The following CACNB2 variants were observed in gnomAD, a reference collection of about 807,000 sequenced individuals.
CACNB2 encodes the protein voltage-dependent L-type calcium channel subunit beta-2.
A neutral mutation model predicts 73.3 loss-of-function variants in CACNB2; 42 were observed. That is an observed-to-expected ratio of 0.57 (90% CI 0.45 to 0.74). The LOEUF is 0.74. CACNB2 is among the 30% of genes least tolerant of loss of function. The pLI, the probability that CACNB2 is intolerant of heterozygous loss-of-function variation, is 0.00. For missense variants in CACNB2, 940 were observed against 853.0 expected, an observed-to-expected ratio of 1.10 and a Z score of -1.27; for synonymous variants, 348 against 310.3, an observed-to-expected ratio of 1.12 and a Z score of -1.28.
At chr10:18,483,209 T>C (rs1307036037) in intron 3 of CACNB2, among the ~76,000 whole-genome samples, 1 of 151,512 alleles carries the variant, frequency 6.6e-6, no homozygotes, top group Non-Finnish European at 1.5e-5. Context: ...ATGGGGACAC[T>C]CAGCTCAATC....
chr10:18,404,368 AT>A (rs2044170342), intron 3 of CACNB2, among the ~76,000 whole-genome samples: 1 of 152,180 alleles, frequency 6.6e-6, no homozygotes, highest in African/African-American at 2.4e-5. Flanking sequence ...AGTTCCCTCT[AT>A]AAATTTTTAT....
intron 2 of CACNB2, among the ~76,000 whole-genome samples, chr10:18,279,240 C>T (rs557453771): frequency 6.6e-6 from 1 of 152,112 alleles, no homozygotes; most frequent in Non-Finnish European, 1.5e-5. Context: ...ATTCAGAGAG[C>T]CCCTCCCTCC....
intron 1 of CACNB2, among the ~76,000 whole-genome samples, chr10:18,145,964 T>C (rs1340437608): frequency 6.6e-6 from 1 of 151,940 alleles, no homozygotes; most frequent in Non-Finnish European, 1.5e-5. Context: ...TCCTCCTTCC[T>C]CCCTCCTCCC....
intron 3 of CACNB2, among the ~76,000 whole-genome samples, chr10:18,439,786 A>C (rs544547604): frequency 1.1e-4 from 17 of 152,138 alleles, no homozygotes; most frequent in Admixed American, 2.6e-4. Flanking sequence ...AGATTCGCTC[A>C]TCCTTCCTCC....
chr10:18,378,134 T>C (rs1045960999), intron 2 of CACNB2, among the ~76,000 whole-genome samples: 1 of 152,040 alleles, frequency 6.6e-6, no homozygotes, highest in Non-Finnish European at 1.5e-5. Context: ...ACCTGAGAGG[T>C]TGAATTACAG....
intron 3 of CACNB2, among the ~76,000 whole-genome samples, chr10:18,485,017 T>A (rs2048984939): frequency 6.6e-6 from 1 of 152,012 alleles, no homozygotes. Context: ...TAGCCAGATG[T>A]CATAGCGCAT....
chr10:18,293,345 C>T (rs1326833769), intron 2 of CACNB2, among the ~76,000 whole-genome samples: 26 of 152,160 alleles, frequency 1.7e-4, no homozygotes, highest in Admixed American at 1.6e-3. Context: ...CCTCCTTATA[C>T]GGATGGGTCC....
At chr10:18,390,932 TG>T (rs2043440784) in intron 2 of CACNB2, among the ~76,000 whole-genome samples, 3 of 152,242 alleles carry the variant, frequency 2.0e-5, no homozygotes, top group Admixed American at 6.5e-5. Flanking sequence ...AATGAGTCAC[TG>T]GTACTTTTAG....
chr10:18,518,248 T>A, intron 7 of CACNB2, 88 bp from the exon 8 acceptor site: 1 of 882,514 alleles, frequency 1.1e-6, no homozygotes, highest in South Asian at 1.3e-5. Flanking sequence ...TGCCTCATAT[T>A]ATGGAGTTCA....
At chr10:18,397,433 C>G (rs1051124862) in intron 2 of CACNB2, among the ~76,000 whole-genome samples, 1 of 152,016 alleles carries the variant, frequency 6.6e-6, no homozygotes, top group East Asian at 1.9e-4. Context: ...CCACTGCACT[C>G]TAGCCTGGGC....
At chr10:18,261,382 C>T in intron 2 of CACNB2, 9 of 1,550,482 alleles carry the variant, frequency 5.8e-6, no homozygotes, top group Non-Finnish European at 7.9e-6. Flanking sequence ...CTGTCTGGTG[C>T]ATGTTGCCTC....
chr10:18,386,576 T>G (rs929846868), intron 2 of CACNB2, among the ~76,000 whole-genome samples: 2 of 151,914 alleles, frequency 1.3e-5, no homozygotes, highest in African/African-American at 4.8e-5. Flanking sequence ...CTAATTTTTT[T>G]GCATTTTTTT....
At chr10:18,364,893 GAGATTAA>G (rs1480455929) in intron 2 of CACNB2, among the ~76,000 whole-genome samples, 3 of 152,062 alleles carry the variant, frequency 2.0e-5, no homozygotes, top group African/African-American at 7.2e-5. Flanking sequence ...AAAGTGATCG[GAGATTAA>G]AGAATTATCA....
chr10:18,403,388 C>A (rs943308414), intron 3 of CACNB2, among the ~76,000 whole-genome samples: 1 of 152,148 alleles, frequency 6.6e-6, no homozygotes, highest in African/African-American at 2.4e-5. Flanking sequence ...ATTCTATATT[C>A]TATATTTTGC....
chr10:18,502,720 AAAAAC>A (rs1326402064), intron 5 of CACNB2, among the ~76,000 whole-genome samples: 5 of 140,422 alleles, frequency 3.6e-5, no homozygotes, highest in East Asian at 2.0e-4. Flanking sequence ...AAAAAAAAAA[AAAAAC>A]CGCATGTTTT....
At chr10:18,337,520 GT>G (rs1327625379) in intron 2 of CACNB2, among the ~76,000 whole-genome samples, 1 of 152,080 alleles carries the variant, frequency 6.6e-6, no homozygotes, top group Non-Finnish European at 1.5e-5. Context: ...ATTTTTAACA[GT>G]TTTTCCTAAC....
intron 3 of CACNB2, among the ~76,000 whole-genome samples, chr10:18,433,523 T>G (rs1383339058): frequency 1.1e-4 from 17 of 152,194 alleles, no homozygotes; most frequent in Admixed American, 1.1e-3. Flanking sequence ...TTGTATGAGT[T>G]GCCTTGGTTT....
chr10:18,535,616 C>T (rs1314117051), intron 11 of CACNB2, among the ~76,000 whole-genome samples: 2 of 151,716 alleles, frequency 1.3e-5, no homozygotes, highest in Non-Finnish European at 2.9e-5. Context: ...ACTAAAAATA[C>T]AAAAAAATTA....
At chr10:18,535,520 C>G (rs1383654344) in intron 11 of CACNB2, among the ~76,000 whole-genome samples, 1 of 152,030 alleles carries the variant, frequency 6.6e-6, no homozygotes, top group African/African-American at 2.4e-5. Context: ...TACCTGTAAT[C>G]CCAGCACTCT....
Sources: gnomAD v4.1 joint callset for allele counts (sites outside exome capture counted in the v4.1 genomes callset) on GRCh38, gnomAD v4.1.1 for gene constraint, MANE v1.5 for transcripts, NCBI Gene and HGNC (gene_info 2026-07-23, HGNC 2026-07-21) for gene names.